Variants in BCL2L13 observed in about 807,000 individuals in gnomAD.
BCL2L13 encodes the protein BCL2 like 13.
Under a neutral mutation model 25.8 loss-of-function variants are expected in BCL2L13, and 13 were observed. The observed-to-expected ratio is 0.50, with a 90% confidence interval of 0.33 to 0.80. The LOEUF (loss-of-function observed/expected upper bound fraction) is 0.80, where lower values mean the gene tolerates loss of function less well. Ranked by LOEUF, BCL2L13 falls within the 30% of genes least tolerant of loss-of-function variation. The pLI, the probability that BCL2L13 is intolerant of heterozygous loss-of-function variation, is 0.02. For missense variants in BCL2L13, 504 were observed against 574.9 expected (o/e 0.88, Z 1.26); for synonymous variants, 244 against 230.3 (o/e 1.06, Z -0.54).
At chr22:17,659,610 G>A (rs2146535495) in intron 2 of BCL2L13, among the ~76,000 whole-genome samples, 1 of 145,304 alleles carries the variant, frequency 6.9e-6, no homozygotes, top group African/African-American at 2.4e-5. Flanking sequence ...GCAGTGAACC[G>A]AGATCATGCC....
rs1424678146 is a variant in BCL2L13 at position 17,717,421 on chromosome 22, C to G, written c.601-9256C>G. On this transcript the variant is annotated intron_variant, in intron 6 of 6. Transcript: ENST00000317582. ...TTGTTGTTCCCTCTTCCGTGAATCT[C>G]TCATGTTCCCAGAGTACCCTGTTTG... is the stretch of plus-strand genomic sequence containing the variant. Among the ~76,000 whole-genome samples, 3 of 146,554 alleles carry G rather than the reference C, an allele frequency of 2.0e-5. 1 individual carries two copies. The highest frequency in any genetic ancestry group is 5.2e-5 in the African/African-American group (2 of 38,176).
At chr22:17,698,594 TGCACCTGTATTCTGA>T (rs1447653414) in intron 5 of BCL2L13, among the ~76,000 whole-genome samples, 2 of 143,194 alleles carry the variant, frequency 1.4e-5, no homozygotes, top group African/African-American at 5.2e-5. Context: ...CATGGTGGTG[TGCACCTGTATTCTGA>T]GCCGAGCTAT....
At chr22:17,675,909 A>G (rs1053294173) in intron 2 of BCL2L13, among the ~76,000 whole-genome samples, 1 of 152,330 alleles carries the variant, frequency 6.6e-6, no homozygotes, top group Admixed American at 6.5e-5. Flanking sequence ...TTTATATTAC[A>G]TGGCATTATC....
intron 3 of BCL2L13, among the ~76,000 whole-genome samples, chr22:17,685,797 A>G (rs1410932345): frequency 7.1e-5 from 3 of 42,414 alleles, no homozygotes; most frequent in African/African-American, 7.1e-5. Context: ...TTTGAGACAA[A>G]GTCTCGCTCT....
chr22:17,638,753 C>T (rs1410483980), upstream of BCL2L13: 2 of 1,231,682 alleles, frequency 1.6e-6, no homozygotes, highest in Non-Finnish European at 2.0e-6. Flanking sequence ...GCCGGGGTGA[C>T]CTCACCCTCC....
At chr22:17,658,114 C>T (rs1453203518) in intron 2 of BCL2L13, among the ~76,000 whole-genome samples, 1 of 151,164 alleles carries the variant, frequency 6.6e-6, no homozygotes, top group East Asian at 1.9e-4. Context: ...GCCACCACGC[C>T]CGGCCGACAT....
chr22:17,673,078 C>T (rs2059463424), intron 2 of BCL2L13, among the ~76,000 whole-genome samples: 1 of 152,204 alleles, frequency 6.6e-6, no homozygotes, highest in Admixed American at 6.6e-5. Flanking sequence ...AGAACTTGGG[C>T]TAGTCATTAA....
intron 4 of BCL2L13, among the ~76,000 whole-genome samples, chr22:17,689,963 C>G (rs1181403009): frequency 6.6e-6 from 1 of 152,126 alleles, no homozygotes; most frequent in Non-Finnish European, 1.5e-5. Flanking sequence ...AACTTCTCTC[C>G]TAGCTATGGT....
chr22:17,685,504 G>A (rs983025896), intron 3 of BCL2L13, among the ~76,000 whole-genome samples: 2 of 152,088 alleles, frequency 1.3e-5, no homozygotes, highest in African/African-American at 2.4e-5. Context: ...GATTACAGGC[G>A]TGAACAACTG....
chr22:17,715,559 G>T (rs1226672933), intron 6 of BCL2L13, among the ~76,000 whole-genome samples: 2 of 152,028 alleles, frequency 1.3e-5, no homozygotes, highest in Admixed American at 6.6e-5. Context: ...CATGGGAAGA[G>T]TCTGGCTGAG....
intron 4 of BCL2L13, among the ~76,000 whole-genome samples, chr22:17,694,873 C>A (rs967138536): frequency 1.3e-5 from 2 of 152,188 alleles, no homozygotes; most frequent in African/African-American, 4.8e-5. Flanking sequence ...ATTCTGTTTT[C>A]AGTCTGTGGT....
chr22:17,690,336 A>AT (rs376035892), intron 4 of BCL2L13, among the ~76,000 whole-genome samples: 218 of 150,980 alleles, frequency 1.4e-3, no homozygotes, highest in Admixed American at 0.01. Context: ...AAAGAAAAAA[A>AT]TTTTTTTTTT....
intron 3 of BCL2L13, among the ~76,000 whole-genome samples, chr22:17,684,191 C>T (rs2059840577): frequency 6.6e-6 from 1 of 152,046 alleles, no homozygotes; most frequent in Non-Finnish European, 1.5e-5. Context: ...TCAGTCTGGG[C>T]ACAGGGACTC....
intron 5 of BCL2L13, among the ~76,000 whole-genome samples, chr22:17,700,966 C>T (rs1446532331): frequency 6.6e-6 from 1 of 152,200 alleles, no homozygotes; most frequent in Non-Finnish European, 1.5e-5. Context: ...TGGCAGTCTA[C>T]TAACAAGCAA....
intron 6 of BCL2L13, among the ~76,000 whole-genome samples, chr22:17,719,827 CAAAAAAAAAA>C (rs60474373): frequency 0.2 from 17,942 of 91,036 alleles, 1,472 homozygotes; most frequent in African/African-American, 0.3. Context: ...GACTCCATCT[CAAAAAAAAAA>C]AAAAAAAAAA....
At chr22:17,648,930 T>G (rs892451477) in intron 1 of BCL2L13, among the ~76,000 whole-genome samples, 1 of 151,386 alleles carries the variant, frequency 6.6e-6, no homozygotes, top group Non-Finnish European at 1.5e-5. Context: ...TTAGAGAATA[T>G]CAATTTTTTT....
At chr22:17,715,179 T>G in intron 6 of BCL2L13, among the ~76,000 whole-genome samples, 1 of 63,280 alleles carries the variant, frequency 1.6e-5, no homozygotes, top group African/African-American at 7.4e-5. Context: ...TATTTTTTTT[T>G]TTTTTTTTTT....
At chr22:17,649,304 C>G (rs1415806615) in intron 1 of BCL2L13, among the ~76,000 whole-genome samples, 1 of 152,038 alleles carries the variant, frequency 6.6e-6, no homozygotes, top group Non-Finnish European at 1.5e-5. Flanking sequence ...ACCAGGTTGC[C>G]CAGGCTGGTC....
In BCL2L13 at chr22:17,730,061, G is replaced by T. The variant is rs569148327; in HGVS notation, c.*2527G>T. 1 of 152,328 alleles carries T rather than the reference G, an allele frequency of 6.6e-6. No individual in the cohort carries two copies. The highest frequency in any genetic ancestry group is 1.9e-4 in the East Asian group (1 of 5,188). The allele number at this position is 152,328 out of a possible 1,614,324, so 9.4% of individuals were successfully genotyped here. On this transcript the variant is annotated 3_prime_UTR_variant, in exon 7 of 7. Coordinates refer to ENST00000317582, the MANE Select transcript of BCL2L13 (RefSeq NM_015367.4). ...CCCTCTAAGTCTAAGGTGAAGGAAA[G>T]ATTCAGAATAAATCCAACTTGTTTA... is the stretch of plus-strand genomic sequence containing the variant.
Sources: gnomAD v4.1 joint callset for allele counts (sites outside exome capture counted in the v4.1 genomes callset) on GRCh38, gnomAD v4.1.1 for gene constraint, MANE v1.5 for transcripts, NCBI Gene and HGNC (gene_info 2026-07-23, HGNC 2026-07-21) for gene names.